The following FAM83B variants were observed in gnomAD, a reference collection of about 807,000 sequenced individuals.
The protein encoded by FAM83B is protein FAM83B.
A neutral mutation model predicts 38.8 loss-of-function variants in FAM83B; 26 were observed. That is an observed-to-expected ratio of 0.67 (90% CI 0.49 to 0.93). The LOEUF is 0.93. Ranked by LOEUF, FAM83B falls within the 40% of genes least tolerant of loss-of-function variation. FAM83B has a pLI of 0.00. For synonymous variants in FAM83B, 419 were observed against 423.1 expected, an observed-to-expected ratio of 0.99 and a Z score of 0.12; for missense variants, 1,237 against 1,197.3, an observed-to-expected ratio of 1.03 and a Z score of -0.49.
At chr6:54,869,157 T>G (rs576388933) in intron 1 of FAM83B, among the ~76,000 whole-genome samples, 16 of 152,298 alleles carry the variant, frequency 1.1e-4, no homozygotes, top group African/African-American at 3.8e-4. Flanking sequence ...AGATTTTGAC[T>G]CCTAAGAGAA....
intron 2 of FAM83B, among the ~76,000 whole-genome samples, chr6:54,875,944 A>G (rs912982574): frequency 3.3e-5 from 5 of 152,202 alleles, no homozygotes; most frequent in African/African-American, 1.2e-4. Context: ...TGTTGAAGCA[A>G]AAAATTAAAA....
intron 2 of FAM83B, among the ~76,000 whole-genome samples, chr6:54,894,717 A>G (rs1466905992): frequency 6.6e-6 from 1 of 152,182 alleles, no homozygotes; most frequent in African/African-American, 2.4e-5. Flanking sequence ...ACATATTGGA[A>G]AGGGTAACAG....
chr6:54,917,242 C>G (rs1027935248), intron 2 of FAM83B, among the ~76,000 whole-genome samples: 1 of 152,084 alleles, frequency 6.6e-6, no homozygotes, highest in Non-Finnish European at 1.5e-5. Flanking sequence ...TTATAACTAC[C>G]TTAGAAACTA....
At chr6:54,886,903 C>A (rs1484236091) in intron 2 of FAM83B, among the ~76,000 whole-genome samples, 1 of 150,798 alleles carries the variant, frequency 6.6e-6, no homozygotes, top group Non-Finnish European at 1.5e-5. Flanking sequence ...TTTATATATA[C>A]CTTATTATTA....
At chr6:54,899,344 G>A (rs1212788945) in intron 2 of FAM83B, among the ~76,000 whole-genome samples, 1 of 152,140 alleles carries the variant, frequency 6.6e-6, no homozygotes, top group Non-Finnish European at 1.5e-5. Flanking sequence ...TTTGCATTGA[G>A]ATTTTAGGAT....
Position 54,927,561 on chromosome 6 carries a change from A to G in FAM83B, c.663A>G (p.Ala221=), listed in dbSNP as rs138602801. ...KGQDYLSKTG[A]KFHGKMEQKF... ...AAGATTATCTTTCAAAAACAGGGGC[A>G]AAATTCCATGGAAAAATGGAACAGA... Residue 221 remains alanine (A), a synonymous_variant, in exon 4 of 5, where the codon GCA becomes GCG. Coordinates refer to ENST00000306858, the MANE Select transcript of FAM83B (RefSeq NM_001010872.3). 69 of 1,609,240 alleles carry G rather than the reference A, an allele frequency of 4.3e-5. No individual in the cohort carries two copies. The African/African-American group carries it at 6.9e-4, about 16-fold the overall frequency.
At chr6:54,894,688 T>G (rs1050658746) in intron 2 of FAM83B, among the ~76,000 whole-genome samples, 1 of 152,138 alleles carries the variant, frequency 6.6e-6, no homozygotes, top group Non-Finnish European at 1.5e-5. Context: ...GCTACTTAAG[T>G]TTTTTTGTGT....
intron 2 of FAM83B, among the ~76,000 whole-genome samples, chr6:54,905,880 CT>C (rs1223920099): frequency 6.6e-6 from 1 of 151,840 alleles, no homozygotes; most frequent in Non-Finnish European, 1.5e-5. Context: ...CATTTGCCCC[CT>C]ATAAACATGT....
At chr6:54,887,473 C>T (rs1401627738) in intron 2 of FAM83B, among the ~76,000 whole-genome samples, 1 of 152,096 alleles carries the variant, frequency 6.6e-6, no homozygotes, top group Admixed American at 6.5e-5. Context: ...GTCTTCTGTT[C>T]CTTAGGTTAA....
intron 3 of FAM83B, among the ~76,000 whole-genome samples, chr6:54,926,850 G>T (rs2127588663): frequency 6.6e-6 from 1 of 152,162 alleles, no homozygotes; most frequent in East Asian, 1.9e-4. Context: ...TCCTGCCTCA[G>T]CCTCTCGAGT....
At chr6:54,921,348 T>C (rs182187434) in intron 2 of FAM83B, among the ~76,000 whole-genome samples, 8 of 151,914 alleles carry the variant, frequency 5.3e-5, no homozygotes, top group Non-Finnish European at 8.8e-5. Context: ...ATGTAATATA[T>C]ACTGTAGGTG....
chr6:54,916,027 A>G (rs1222321375), intron 2 of FAM83B, among the ~76,000 whole-genome samples: 2 of 152,118 alleles, frequency 1.3e-5, no homozygotes, highest in Non-Finnish European at 2.9e-5. Flanking sequence ...CAATCTTTCT[A>G]GCTTTATCGC....
At chr6:54,932,784 G>C (rs1014884763) in intron 4 of FAM83B, among the ~76,000 whole-genome samples, 1 of 152,140 alleles carries the variant, frequency 6.6e-6, no homozygotes, top group Admixed American at 6.6e-5. Flanking sequence ...ATGTGGTCCT[G>C]CTTCATTGTA....
chr6:54,941,648 C>T lies in FAM83B; in HGVS notation c.2677C>T (p.Gln893Ter). The T allele has an allele frequency of 1.9e-6, 3 of 1,614,108 alleles. No individual in the cohort carries two copies. Among genetic ancestry groups the T allele is most frequent in the Non-Finnish European group, 2.5e-6 (3 of 1,180,008 alleles). ...CTCTGCCCCAAGATTTAACACTGAA[C>T]AGATCCAATACCGAGATTCAAGGGA... ...DASAPRFNTE[Q>*]IQYRDSREIN... Residue 893 changes from glutamine to a stop codon, truncating the protein, a stop_gained, in exon 5 of 5, where the codon CAG (glutamine) becomes TAG (stop). Coordinates refer to ENST00000306858, the MANE Select transcript of FAM83B (RefSeq NM_001010872.3). LOFTEE classifies it high-confidence loss of function.
chr6:54,930,913 GC>G (rs1251736840), intron 4 of FAM83B, among the ~76,000 whole-genome samples: 1 of 151,904 alleles, frequency 6.6e-6, no homozygotes, highest in African/African-American at 2.4e-5. Context: ...AGATATTTTT[GC>G]TTTTTTAATA....
chr6:54,912,895 G>T (rs1478365936), intron 2 of FAM83B, among the ~76,000 whole-genome samples: 1 of 151,944 alleles, frequency 6.6e-6, no homozygotes, highest in Non-Finnish European at 1.5e-5. Flanking sequence ...AGATTAGGTA[G>T]ATAGAAATTG....
intron 2 of FAM83B, among the ~76,000 whole-genome samples, chr6:54,904,762 C>T (rs184186503): frequency 1.4e-3 from 210 of 152,176 alleles, no homozygotes; most frequent in African/African-American, 4.7e-3. Context: ...GCCATGGCTT[C>T]GGGAACTGAA....
chr6:54,886,433 T>C (rs190133243), intron 2 of FAM83B, among the ~76,000 whole-genome samples: 28 of 152,234 alleles, frequency 1.8e-4, no homozygotes, highest in African/African-American at 6.3e-4. Context: ...CTAATTTTAA[T>C]TCTGGGTTTA....
intron 2 of FAM83B, among the ~76,000 whole-genome samples, chr6:54,894,586 G>A (rs1409727349): frequency 6.6e-6 from 1 of 152,052 alleles, no homozygotes; most frequent in Non-Finnish European, 1.5e-5. Context: ...GCCATCTTAG[G>A]GAACCTAAGA....
Sources: allele counts gnomAD v4.1 joint callset (sites outside exome capture counted in the v4.1 genomes callset), GRCh38; gene constraint gnomAD v4.1.1; transcripts MANE v1.5; gene names NCBI Gene and HGNC (gene_info 2026-07-23, HGNC 2026-07-21).